The following FRMD4B variants were observed in gnomAD, a reference collection of about 807,000 sequenced individuals.
FRMD4B encodes the protein FERM domain containing 4B.
FRMD4B carries 74 observed loss-of-function variants against 141.5 expected under a neutral mutation model. That is an observed-to-expected ratio of 0.52 (90% CI 0.43 to 0.63). The LOEUF is 0.63. FRMD4B is among the 30% of genes least tolerant of loss of function. FRMD4B has a pLI of 0.00. For synonymous variants in FRMD4B, 506 were observed against 467.9 expected (o/e 1.08, Z -1.05); for missense variants, 1,366 against 1,253.4 (o/e 1.09, Z -1.36).
chr3:69,423,636 G>C (rs1038801526), intron 2 of FRMD4B, among the ~76,000 whole-genome samples: 1 of 152,148 alleles, frequency 6.6e-6, no homozygotes, highest in African/African-American at 2.4e-5. Context: ...AGAATGATAG[G>C]AGATAGGGCC....
intron 1 of FRMD4B, among the ~76,000 whole-genome samples, chr3:69,371,872 G>A (rs1703834578): frequency 6.6e-6 from 1 of 152,172 alleles, no homozygotes; most frequent in Non-Finnish European, 1.5e-5. Context: ...GAATGTAATA[G>A]GCCCTCAGTA....
At chr3:69,249,978 G>T in intron 6 of FRMD4B, 65 bp downstream of exon 6, 2 of 1,026,704 alleles carry the variant, frequency 1.9e-6, no homozygotes, top group Non-Finnish European at 3.1e-6. Context: ...TTTCAGAGTT[G>T]CAGGCAGTTA....
chr3:69,267,807 A>G (rs2093574965), intron 5 of FRMD4B, among the ~76,000 whole-genome samples: 1 of 150,948 alleles, frequency 6.6e-6, no homozygotes, highest in South Asian at 2.1e-4. Context: ...TAATTTTTGT[A>G]CTTTTAGTAG....
intron 1 of FRMD4B, chr3:69,542,154 C>A (rs1701196731): frequency 6.6e-6 from 1 of 152,044 alleles, no homozygotes; most frequent in East Asian, 1.9e-4. Context: ...CCGCGTCTTG[C>A]GGCCTCGCCC....
chr3:69,207,869 CTTTTCTT>C (rs1385213295), intron 11 of FRMD4B, among the ~76,000 whole-genome samples: 23 of 152,070 alleles, frequency 1.5e-4, no homozygotes, highest in Non-Finnish European at 2.8e-4. Flanking sequence ...CAGCCACTTC[CTTTTCTT>C]CTAGCAGCAT....
In FRMD4B at chr3:69,353,709, C is replaced by T. The variant is rs1383325495; in HGVS notation, c.162+32119G>A. On this transcript the variant is annotated intron_variant, in intron 1 of 22. Transcript: ENST00000398540. ...AACTACAAGCCAGTGGAAGTAGGAA[C>T]TTAAAAACTCCCGACGCCTTCCGCT... 14 of 984,956 alleles carry T rather than the reference C, an allele frequency of 1.4e-5. No individual in the cohort carries two copies. In the South Asian group the frequency reaches 5.2e-4, roughly 36 times the overall value. The allele number at this position is 984,956 out of a possible 1,614,324, so 61.0% of individuals were successfully genotyped here.
At chr3:69,367,803 T>A (rs533474483) in intron 1 of FRMD4B, among the ~76,000 whole-genome samples, 1 of 152,324 alleles carries the variant, frequency 6.6e-6, no homozygotes, top group Non-Finnish European at 1.5e-5. Context: ...GAGAATGTCC[T>A]TAGGAGGATT....
At chr3:69,250,290 C>CATGTGT (rs1553710137) in intron 5 of FRMD4B, 191 bp from the exon 6 acceptor site, 3 of 418,626 alleles carry the variant, frequency 7.2e-6, no homozygotes, top group Non-Finnish European at 8.7e-6. Context: ...ACTGTGTGTG[C>CATGTGT]GTGTGTGTGT....
intron 7 of FRMD4B, among the ~76,000 whole-genome samples, chr3:69,227,488 C>A (rs939271952): frequency 2.6e-5 from 4 of 151,820 alleles, no homozygotes; most frequent in Non-Finnish European, 4.4e-5. Context: ...CATGTGAAAC[C>A]CCGTCTCTAC....
chr3:69,225,033 C>T (rs944300297), intron 7 of FRMD4B, among the ~76,000 whole-genome samples: 4 of 152,292 alleles, frequency 2.6e-5, no homozygotes, highest in Middle Eastern at 3.4e-3. Flanking sequence ...TTAGTGGCTA[C>T]ATAATATTCA....
At chr3:69,322,425 G>GCAAT (rs1352989535) in intron 1 of FRMD4B, among the ~76,000 whole-genome samples, 2 of 152,080 alleles carry the variant, frequency 1.3e-5, no homozygotes, top group Non-Finnish European at 2.9e-5. Flanking sequence ...CTCCCAATGT[G>GCAAT]CAATCACTGG....
At chr3:69,297,882 A>G (rs1213223267) in intron 4 of FRMD4B, among the ~76,000 whole-genome samples, 1 of 151,600 alleles carries the variant, frequency 6.6e-6, no homozygotes, top group Non-Finnish European at 1.5e-5. Flanking sequence ...CAGAGGTCAC[A>G]CACATATTTA....
In FRMD4B at chr3:69,404,643, A is replaced by C. The variant is rs552990274; in HGVS notation, c.-1+27991T>G. On this transcript the variant is annotated intron_variant, in intron 2 of 5. Transcript: ENST00000459638. ...TGAAGTATCCAGAGGTCAATAATCC[A>C]GGCAGAACTGTGAGTTTCGTGCTTG... Among the ~76,000 whole-genome samples, 20 of 152,320 alleles carry C rather than the reference A, an allele frequency of 1.3e-4. 1 individual carries two copies. The South Asian group carries it at 3.5e-3, about 27-fold the overall frequency.
chr3:69,333,217 C>A (rs1253486899), intron 1 of FRMD4B, among the ~76,000 whole-genome samples: 2 of 152,148 alleles, frequency 1.3e-5, no homozygotes, highest in Non-Finnish European at 2.9e-5. Context: ...TTGGAGAATT[C>A]TGCAACTGTC....
At chr3:69,388,226 T>C (rs1704307288), upstream of FRMD4B, among the ~76,000 whole-genome samples, 1 of 152,164 alleles carries the variant, frequency 6.6e-6, no homozygotes, top group African/African-American at 2.4e-5. Context: ...CTAGAAACAC[T>C]CTGGCTGTTA....
At chr3:69,456,910 A>C (rs1025619203) in intron 1 of FRMD4B, among the ~76,000 whole-genome samples, 2 of 152,182 alleles carry the variant, frequency 1.3e-5, no homozygotes, top group Non-Finnish European at 2.9e-5. Context: ...GAGTAGCTGC[A>C]ACACAGTCCA....
At chr3:69,272,805 G>A (rs1200208745) in intron 5 of FRMD4B, among the ~76,000 whole-genome samples, 1 of 152,174 alleles carries the variant, frequency 6.6e-6, no homozygotes, top group South Asian at 2.1e-4. Flanking sequence ...CAGTTAAATT[G>A]CACTGAGACT....
chr3:69,181,537 G>C lies in FRMD4B; in HGVS notation c.2213C>G (p.Thr738Arg). ...DGSSYTSQSS[T>R]EYYCVTPVTG... Reference sequence around the variant, plus strand: ...AACTGGTGTCACACAGTAATACTCTGTGCTTGATTGGCTTGTATAAGAAGA... The same window carrying C: ...AACTGGTGTCACACAGTAATACTCTCTGCTTGATTGGCTTGTATAAGAAGA... The change falls in exon 21 of 23, where the codon ACA (threonine) becomes AGA (arginine). Residue 738 changes from threonine (T) to arginine (R), a missense_variant. Physicochemically the swap from Thr to Arg is moderately conservative, Grantham distance 71 (BLOSUM62 -1). Transcript: ENST00000398540. 1 of 1,613,950 alleles carries C rather than the reference G, an allele frequency of 6.2e-7. No individual in the cohort carries two copies. Among genetic ancestry groups the C allele is most frequent in the African/African-American group, 1.3e-5 (1 of 75,030 alleles).
intron 1 of FRMD4B, among the ~76,000 whole-genome samples, chr3:69,354,818 A>G (rs1703265746): frequency 6.6e-6 from 1 of 152,210 alleles, no homozygotes; most frequent in African/African-American, 2.4e-5. Flanking sequence ...AAGACATGGC[A>G]GCCTGTAACA....
Sources: allele counts gnomAD v4.1 joint callset (sites outside exome capture counted in the v4.1 genomes callset), GRCh38; gene constraint gnomAD v4.1.1; transcripts MANE v1.5; gene names NCBI Gene and HGNC (gene_info 2026-07-23, HGNC 2026-07-21).